KPNA7: variants seen among roughly 807,000 people sequenced by gnomAD.
KPNA7 encodes the protein importin subunit alpha-8.
A neutral mutation model predicts 53.7 loss-of-function variants in KPNA7; 54 were observed. The observed-to-expected ratio is 1.01, with a 90% CI of 0.81 to 1.26. The LOEUF is 1.26. Among genes scored for constraint, KPNA7 ranks in the 50% most tolerant of loss-of-function variants. The pLI is 0.00. For missense variants in KPNA7, 640 were observed against 644.5 expected, an observed-to-expected ratio of 0.99 and a Z score of 0.07; for synonymous variants, 276 against 259.3, an observed-to-expected ratio of 1.06 and a Z score of -0.62.
the KPNA7 span, among the ~76,000 whole-genome samples, chr7:99,154,827 T>A: frequency 6.6e-6 from 1 of 152,122 alleles, no homozygotes; most frequent in Non-Finnish European, 1.5e-5. Flanking sequence ...TCTATGTTCA[T>A]GTAATATACA....
At chr7:99,173,080 A>G (rs191345374), downstream of KPNA7, among the ~76,000 whole-genome samples, 8,914 of 147,982 alleles carry the variant, frequency 0.06, 334 homozygotes, top group Non-Finnish European at 0.069. Flanking sequence ...AAAAAAAAAA[A>G]AAAAGAAAAA....
chr7:99,171,767 G>A (rs150805534), downstream of KPNA7, among the ~76,000 whole-genome samples: 1 of 152,070 alleles, frequency 6.6e-6, no homozygotes, highest in Non-Finnish European at 1.5e-5. Context: ...AAAATAAAGG[G>A]GAAAACAAGC....
chr7:99,185,195 C>T lies in KPNA7; in HGVS notation c.901-33G>A, dbSNP rs1265205391. The T allele has an allele frequency of 3.4e-6, 5 of 1,450,596 alleles. No individual in the cohort carries two copies. The South Asian group carries it at 3.7e-5, about 11-fold the overall frequency. The allele number at this position is 1,450,596 out of a possible 1,614,324, so 89.9% of individuals were successfully genotyped here. A position where few individuals can be genotyped will look rare whatever the true frequency, so the allele number is the denominator to read the frequency against. On this transcript the variant is annotated intron_variant, in intron 7 of 10. Transcript: ENST00000327442. ...AGCAAGGCTAGAAGTCTAAGTATTT[C>T]AAGTCTATCCCAGGAGAAGGCAACA...
At chr7:99,189,041 A>G (rs527573635) in intron 6 of KPNA7, among the ~76,000 whole-genome samples, 5 of 152,300 alleles carry the variant, frequency 3.3e-5, no homozygotes, top group African/African-American at 1.2e-4. Context: ...TGTATTAGGG[A>G]CACAGAACGA....
chr7:99,148,055 A>G, the KPNA7 span, among the ~76,000 whole-genome samples: 1 of 152,114 alleles, frequency 6.6e-6, no homozygotes, highest in Admixed American at 6.6e-5. Context: ...AATAACAAAA[A>G]GCATTTGCCC....
At chr7:99,148,339 A>C in the KPNA7 span, among the ~76,000 whole-genome samples, 2 of 152,166 alleles carry the variant, frequency 1.3e-5, no homozygotes, top group African/African-American at 4.8e-5. Context: ...CAGTTCCCTG[A>C]GTCAGTGTTA....
intron 8 of KPNA7, 21 bp downstream of exon 8, chr7:99,184,908 G>A: frequency 1.3e-6 from 2 of 1,543,840 alleles, no homozygotes; most frequent in Non-Finnish European, 1.8e-6. Context: ...CTTTGCCATG[G>A]TTGCTGTGTG....
At chr7:99,189,400 G>T (rs901166650) in intron 6 of KPNA7, among the ~76,000 whole-genome samples, 2 of 151,386 alleles carry the variant, frequency 1.3e-5, no homozygotes, top group South Asian at 4.2e-4. Flanking sequence ...GTGATGACAG[G>T]CCTGAGTCAC....
At chr7:99,155,544 G>A in the KPNA7 span, among the ~76,000 whole-genome samples, 65 of 151,840 alleles carry the variant, frequency 4.3e-4, no homozygotes, top group Middle Eastern at 3.4e-3. Context: ...TTTTACTGAT[G>A]GAAGAAACAG....
chr7:99,194,531 G>A, intron 5 of KPNA7, among the ~76,000 whole-genome samples: 1 of 152,180 alleles, frequency 6.6e-6, no homozygotes, highest in East Asian at 1.9e-4. Context: ...GATGTCTCTA[G>A]TTAGCCTGTG....
At chr7:99,180,598 C>T (rs947006453) in intron 9 of KPNA7, among the ~76,000 whole-genome samples, 3 of 132,312 alleles carry the variant, frequency 2.3e-5, no homozygotes, top group African/African-American at 6.0e-5. Flanking sequence ...TCCGTCTCTC[C>T]GTCTCTGTCT....
At chr7:99,166,973 A>G in the KPNA7 span, among the ~76,000 whole-genome samples, 1,782 of 152,338 alleles carry the variant, frequency 0.012, 33 homozygotes, top group African/African-American at 0.041. Flanking sequence ...AATGTTCTGC[A>G]TTCACAGGTG....
chr7:99,205,846 A>T (rs145892682), intron 2 of KPNA7, among the ~76,000 whole-genome samples: 199 of 152,310 alleles, frequency 1.3e-3, no homozygotes, highest in African/African-American at 4.7e-3. Flanking sequence ...GCAAGTCTTC[A>T]TCTCAAAAAT....
chr7:99,207,503 A>G lies in KPNA7; in HGVS notation c.-23-14T>C, dbSNP rs1032263978. ...GTAGTAAGTTACCTGCAGGTTGGAC[A>G]GCAACAAAGAAATTTTCAGTGCCCA... On this transcript the variant is annotated splice_polypyrimidine_tract_variant and intron_variant, in intron 1 of 10. Transcript: ENST00000327442. The G allele has an allele frequency of 2.4e-5, 35 of 1,453,156 alleles. No homozygotes were observed. The African/African-American group carries it at 4.8e-4, about 20-fold the overall frequency. 90.0% of individuals were successfully genotyped at this position (1,453,156 alleles called of 1,614,324 possible).
chr7:99,154,032 TTAAA>T, the KPNA7 span, among the ~76,000 whole-genome samples: 1 of 152,132 alleles, frequency 6.6e-6, no homozygotes, highest in South Asian at 2.1e-4. Context: ...AAAAAACACT[TTAAA>T]TGTTTTCTAA....
chr7:99,169,939 G>T (rs1798742268), downstream of KPNA7, among the ~76,000 whole-genome samples: 2 of 152,076 alleles, frequency 1.3e-5, no homozygotes, highest in African/African-American at 4.8e-5. Context: ...TACTTGGGAG[G>T]CTGAGGCAGG....
At chr7:99,205,979 C>G (rs925352575) in intron 2 of KPNA7, among the ~76,000 whole-genome samples, 2 of 152,192 alleles carry the variant, frequency 1.3e-5, no homozygotes, top group Non-Finnish European at 2.9e-5. Flanking sequence ...TGGGCTCAAC[C>G]TGGAAGCAAG....
chr7:99,211,359 T>C (rs1791067384), upstream of KPNA7, among the ~76,000 whole-genome samples: 1 of 152,092 alleles, frequency 6.6e-6, no homozygotes, highest in Non-Finnish European at 1.5e-5. Flanking sequence ...GAGGCAGAGG[T>C]TGCAGTGAGC....
intron 9 of KPNA7, among the ~76,000 whole-genome samples, chr7:99,178,839 G>A (rs999721253): frequency 2.1e-5 from 3 of 141,488 alleles, no homozygotes; most frequent in African/African-American, 7.9e-5. Flanking sequence ...CTGGAGTGCA[G>A]TGGCGTAATC....
Sources: allele counts gnomAD v4.1 joint callset (sites outside exome capture counted in the v4.1 genomes callset), GRCh38; gene constraint gnomAD v4.1.1; transcripts MANE v1.5; gene names NCBI Gene and HGNC (gene_info 2026-07-23, HGNC 2026-07-21).